The following HECTD2 variants were observed in gnomAD, a reference collection of about 807,000 sequenced individuals.
HECTD2 encodes probable E3 ubiquitin-protein ligase HECTD2.
A neutral mutation model predicts 103.2 loss-of-function variants in HECTD2; 35 were observed. The ratio of observed to expected loss-of-function variants is 0.34; its 90% CI spans 0.26 to 0.45. HECTD2 has a LOEUF of 0.45. Ranked by LOEUF, HECTD2 falls within the 20% of genes least tolerant of loss-of-function variation. The pLI, the probability that HECTD2 is intolerant of heterozygous loss-of-function variation, is 1.00. For synonymous variants in HECTD2, 281 were observed against 329.9 expected (o/e 0.85, Z 1.61); for missense variants, 596 against 937.4 (o/e 0.64, Z 4.76).
chr10:91,474,208 G>A (rs1029890079), intron 5 of HECTD2, among the ~76,000 whole-genome samples: 1 of 151,996 alleles, frequency 6.6e-6, no homozygotes, highest in Non-Finnish European at 1.5e-5. Context: ...GTAGGGGAAT[G>A]GGAAAAAGAA....
intron 1 of HECTD2, among the ~76,000 whole-genome samples, chr10:91,419,163 AGAG>A (rs1026037356): frequency 3.3e-5 from 5 of 152,196 alleles, no homozygotes; most frequent in Non-Finnish European, 5.9e-5. Flanking sequence ...TTTGGAGTAT[AGAG>A]GATGATCAAA....
intron 15 of HECTD2, among the ~76,000 whole-genome samples, chr10:91,497,536 C>T (rs182438642): frequency 7.3e-6 from 1 of 137,782 alleles, no homozygotes; most frequent in African/African-American, 2.7e-5. Context: ...GTCTTGAACT[C>T]CTGACCTTGT....
intron 2 of HECTD2, among the ~76,000 whole-genome samples, chr10:91,444,288 A>T (rs984183801): frequency 6.6e-6 from 1 of 152,192 alleles, no homozygotes; most frequent in African/African-American, 2.4e-5. Context: ...TACCATGTTG[A>T]GGTGGAAGAG....
rs1207578744 is a variant in HECTD2, at chr10:91,500,452, T to C, written c.1951-50T>C. On this transcript the variant is annotated intron_variant, in intron 18 of 20. Transcript: ENST00000298068. ...CCAGTGAAAATAGTTCCAGTTTCAC[T>C]TAAAACCATCACTCTTTAATTATTG... 6.0e-6 allele frequency: 5 copies of C among 838,530 alleles called. No homozygotes were observed. In the Admixed American group the frequency reaches 9.1e-5, roughly 15 times the overall value. The allele number at this position is 838,530 out of a possible 1,614,324, so 51.9% of individuals were successfully genotyped here.
chr10:91,423,659 G>A (rs1450371002), intron 1 of HECTD2, among the ~76,000 whole-genome samples: 2 of 152,074 alleles, frequency 1.3e-5, no homozygotes, highest in African/African-American at 2.4e-5. Context: ...GTGAAATGAA[G>A]GAGTTAACTA....
At chr10:91,456,645 G>A (rs1388286377) in intron 2 of HECTD2, among the ~76,000 whole-genome samples, 1 of 152,118 alleles carries the variant, frequency 6.6e-6, no homozygotes, top group Non-Finnish European at 1.5e-5. Context: ...GGGCATCCCT[G>A]TCTTGTGCCA....
At position 91,452,996 on chromosome 10, in the gene HECTD2, A is replaced by G. The variant is rs77116173; in HGVS notation, c.269-7431A>G. On this transcript the variant is annotated intron_variant, in intron 2 of 20. Coordinates refer to ENST00000298068, the MANE Select transcript of HECTD2 (RefSeq NM_182765.6). ...AAGAAGGAAACTTGAGATGTGAGGA[A>G]AGGGGAAAGAAGGTGATAAACAGAA... Among the ~76,000 whole-genome samples the G allele has an allele frequency of 2.0e-5, 3 of 152,294 alleles. No individual in the cohort carries two copies. In the East Asian group the frequency reaches 5.8e-4, roughly 29 times the overall value.
At chr10:91,484,362 T>G (rs528447416) in intron 8 of HECTD2, 145 bp from the exon 9 acceptor site, 1 of 1,428,832 alleles carries the variant, frequency 7.0e-7, no homozygotes, top group South Asian at 1.3e-5. Context: ...TTTTGTATCT[T>G]TTCAAATGTT....
intron 14 of HECTD2, among the ~76,000 whole-genome samples, chr10:91,495,664 A>G (rs911624129): frequency 2.6e-5 from 4 of 152,084 alleles, no homozygotes; most frequent in African/African-American, 7.2e-5. Context: ...TGAAACTCCA[A>G]GTAACATAAG....
intron 20 of HECTD2, among the ~76,000 whole-genome samples, chr10:91,504,591 G>T (rs1485685626): frequency 6.6e-6 from 1 of 151,972 alleles, no homozygotes; most frequent in East Asian, 1.9e-4. Context: ...AGAATAAAAA[G>T]AAACGAGCAA....
In HECTD2 at chr10:91,450,360, A is replaced by C. The variant is rs1303843538; in HGVS notation, c.269-10067A>C. Among the ~76,000 whole-genome samples the C allele has an allele frequency of 3.3e-5, 5 of 152,180 alleles. No individual in the cohort carries two copies. The East Asian group carries it at 9.6e-4, about 29-fold the overall frequency. On this transcript the variant is annotated intron_variant, in intron 2 of 20. Transcript: ENST00000298068. ...AAACTGGACCCCTTCCTTACACCTC[A>C]TACAAAAATTAACTCAAGATGGATT...
chr10:91,431,208 A>T (rs4567363), intron 2 of HECTD2, among the ~76,000 whole-genome samples: 3 of 151,102 alleles, frequency 2.0e-5, no homozygotes, highest in South Asian at 4.2e-4. Flanking sequence ...AATATTGGCC[A>T]CCACTCTCTT....
At chr10:91,414,052 A>G (rs1843024475) in intron 1 of HECTD2, among the ~76,000 whole-genome samples, 1 of 152,242 alleles carries the variant, frequency 6.6e-6, no homozygotes. Context: ...TGAATGAGAA[A>G]GAAGAAAATG....
chr10:91,507,618 AAG>A lies in HECTD2; in HGVS notation c.2211-4643_2211-4642del, dbSNP rs1279772428. 4.1e-3 allele frequency among the ~76,000 whole-genome samples: 612 copies of A among 149,890 alleles called. 4 individuals are homozygous for A. The highest frequency in any genetic ancestry group is 5.5e-3 in the Non-Finnish European group (366 of 66,844). ...TACAAACCGCTGCTCAAGGAAATAAAAGAGGATACAAACAAATGGAAGAACAT... is the reference window on the plus strand; with the variant it reads ...TACAAACCGCTGCTCAAGGAAATAAAAGGATACAAACAAATGGAAGAACAT... On this transcript the variant is annotated intron_variant, in intron 20 of 20. Coordinates refer to ENST00000298068, the MANE Select transcript of HECTD2 (RefSeq NM_182765.6).
At chr10:91,420,382 A>C (rs532987142) in intron 1 of HECTD2, among the ~76,000 whole-genome samples, 1 of 151,680 alleles carries the variant, frequency 6.6e-6, no homozygotes, top group African/African-American at 2.4e-5. Context: ...TCAGGAATTC[A>C]AGACCAGCCT....
intron 8 of HECTD2, among the ~76,000 whole-genome samples, chr10:91,483,809 A>T (rs1028184649): frequency 1.3e-5 from 2 of 151,754 alleles, no homozygotes; most frequent in Middle Eastern, 3.2e-3. Flanking sequence ...TGTTTTTTTT[A>T]AAGACACACT....
chr10:91,423,630 C>A (rs1843440582), intron 1 of HECTD2, among the ~76,000 whole-genome samples: 2 of 152,144 alleles, frequency 1.3e-5, no homozygotes, highest in Non-Finnish European at 2.9e-5. Context: ...GAGTCTCAGA[C>A]AGTTCCACTT....
At chr10:91,480,890 G>T (rs1846066746) in intron 6 of HECTD2, among the ~76,000 whole-genome samples, 1 of 151,906 alleles carries the variant, frequency 6.6e-6, no homozygotes. Context: ...TCAGTCTTTA[G>T]TTATCTTCAG....
At chr10:91,429,110 G>A (rs1461670703) in intron 2 of HECTD2, among the ~76,000 whole-genome samples, 1 of 151,786 alleles carries the variant, frequency 6.6e-6, no homozygotes, top group African/African-American at 2.4e-5. Flanking sequence ...TTTGTCAAAG[G>A]CCTTTTCTGC....
Sources: gnomAD v4.1 joint callset for allele counts (sites outside exome capture counted in the v4.1 genomes callset) on GRCh38, gnomAD v4.1.1 for gene constraint, MANE v1.5 for transcripts, NCBI Gene and HGNC (gene_info 2026-07-23, HGNC 2026-07-21) for gene names.